The following NARS1 variants were observed in gnomAD, a reference collection of about 807,000 sequenced individuals.
The protein encoded by NARS1 is asparagine--tRNA ligase, cytoplasmic.
Under a neutral mutation model 79.2 loss-of-function variants are expected in NARS1, and 65 were observed. The observed-to-expected ratio is 0.82, with a 90% CI of 0.67 to 1.01. The LOEUF (loss-of-function observed/expected upper bound fraction) is 1.01. Among genes scored for constraint, NARS1 ranks in the 50% least tolerant of loss-of-function variants. The pLI is 0.00. For missense variants in NARS1, 649 were observed against 673.8 expected, an observed-to-expected ratio of 0.96 and a Z score of 0.41; for synonymous variants, 229 against 238.8, an observed-to-expected ratio of 0.96 and a Z score of 0.38.
intron 1 of NARS1, among the ~76,000 whole-genome samples, chr18:57,621,504 G>A (rs923130576): frequency 6.6e-6 from 1 of 152,168 alleles, no homozygotes; most frequent in African/African-American, 2.4e-5. Flanking sequence ...GGGGAACGAC[G>A]GACTCGGGGA....
intron 2 of NARS1, among the ~76,000 whole-genome samples, chr18:57,618,662 G>A (rs1908163667): frequency 6.6e-6 from 1 of 152,144 alleles, no homozygotes; most frequent in African/African-American, 2.4e-5. Context: ...AGCACTTTGG[G>A]AGGCCAAGGC....
Position 57,606,323 on chromosome 18 carries a change from C to T in NARS1, c.1137+293G>A, listed in dbSNP as rs562252948. 1.2e-4 allele frequency among the ~76,000 whole-genome samples: 16 copies of T among 138,986 alleles called. 1 individual carries two copies. The East Asian group carries it at 2.5e-3, about 22-fold the overall frequency. 91.2% of individuals were successfully genotyped at this position (138,986 alleles called of 152,430 possible). On this transcript the variant is annotated intron_variant, in intron 10 of 13. Coordinates refer to ENST00000256854, the MANE Select transcript of NARS1 (RefSeq NM_004539.4). ...ATCGCGCCACTGTACTTCAGCCTGG[C>T]GACAGAGTGAGACTCTGTCTCAAAA...
intron 1 of NARS1, among the ~76,000 whole-genome samples, chr18:57,621,043 G>GAA (rs1908277943): frequency 6.6e-6 from 1 of 152,076 alleles, no homozygotes; most frequent in African/African-American, 2.4e-5. Context: ...TATAAAATAG[G>GAA]AAAAACAATC....
rs186728593 is a variant in NARS1 at position 57,616,079 on chromosome 18, G to C, written c.94-104C>G. 15 of 1,029,844 alleles carry C rather than the reference G, an allele frequency of 1.5e-5. No homozygotes were observed. The East Asian group carries it at 3.3e-4, about 23-fold the overall frequency. The allele number at this position is 1,029,844 out of a possible 1,614,324, so 63.8% of individuals were successfully genotyped here. A position where few individuals can be genotyped will look rare whatever the true frequency, so the allele number is the denominator to read the frequency against. On this transcript the variant is annotated intron_variant, in intron 2 of 13. Transcript: ENST00000256854. Reference sequence around the variant, plus strand: ...GCAACTGGAACAATCTAAGCATAAAGACCCCAACAGCCAAAAGCTGATATT... The same window carrying C: ...GCAACTGGAACAATCTAAGCATAAACACCCCAACAGCCAAAAGCTGATATT...
chr18:57,607,363 A>G, intron 8 of NARS1, 30 bp from the exon 9 acceptor site: 1 of 1,611,038 alleles, frequency 6.2e-7, no homozygotes, highest in Non-Finnish European at 8.5e-7. Flanking sequence ...GAATAAATCA[A>G]TGCTATCGTG....
At chr18:57,603,497 G>A (rs531510034) in intron 11 of NARS1, among the ~76,000 whole-genome samples, 3 of 151,850 alleles carry the variant, frequency 2.0e-5, no homozygotes, top group Admixed American at 6.5e-5. Flanking sequence ...AATAACCAAT[G>A]TCAAACTGGT....
At chr18:57,608,432 C>T (rs1487663341) in intron 7 of NARS1, among the ~76,000 whole-genome samples, 4 of 78,160 alleles carry the variant, frequency 5.1e-5, no homozygotes, top group South Asian at 1.1e-3. Flanking sequence ...AGCGAAACTC[C>T]GTCTCAAAAA....
intron 5 of NARS1, 46 bp from the exon 6 acceptor site, chr18:57,611,753 T>G (rs1459844707): frequency 4.7e-6 from 5 of 1,074,792 alleles, no homozygotes; most frequent in Non-Finnish European, 6.5e-6. Flanking sequence ...TCTCAAGGCA[T>G]TAAATTTTAT....
chr18:57,602,765 C>A (rs935837232), intron 12 of NARS1, 47 bp downstream of exon 12: 2 of 1,595,508 alleles, frequency 1.3e-6, no homozygotes, highest in South Asian at 1.1e-5. Flanking sequence ...CAGTCCCCAC[C>A]CCCTTAAAAA....
chr18:57,608,366 G>T (rs1220333704), intron 7 of NARS1, among the ~76,000 whole-genome samples: 1 of 143,076 alleles, frequency 7.0e-6, no homozygotes, highest in African/African-American at 2.6e-5. Flanking sequence ...GAACCTGGGA[G>T]GCAGAGGTTG....
chr18:57,612,968 A>C (rs2122445160), intron 5 of NARS1, among the ~76,000 whole-genome samples: 1 of 152,296 alleles, frequency 6.6e-6, no homozygotes, highest in East Asian at 1.9e-4. Flanking sequence ...TTAAAACTCA[A>C]CTTGACAAAT....
Position 57,600,809 on chromosome 18 carries a change from A to G in NARS1, c.*843T>C, listed in dbSNP as rs1367079980. 1 of 152,216 alleles carries G rather than the reference A, an allele frequency of 6.6e-6. No homozygotes were observed. The highest frequency in any genetic ancestry group is 1.5e-5 in the Non-Finnish European group (1 of 68,034). 9.4% of individuals were successfully genotyped at this position (152,216 alleles called of 1,614,324 possible). A position where few individuals can be genotyped will look rare whatever the true frequency, so the allele number is the denominator to read the frequency against. On this transcript the variant is annotated 3_prime_UTR_variant, in exon 14 of 14. Coordinates refer to ENST00000256854, the MANE Select transcript of NARS1 (RefSeq NM_004539.4). ...AAGGTAGCACAGATTAGATCTAAGG[A>G]CATGGTGGGGGCAACTCAAACAGCC...
rs1479550362 is a variant in NARS1, at chr18:57,600,665, C to T, written c.*987G>A. 2 of 152,122 alleles carry T rather than the reference C, an allele frequency of 1.3e-5. No individual in the cohort carries two copies. Among genetic ancestry groups the T allele is most frequent in the East Asian group, 1.9e-4 (1 of 5,196 alleles). The allele number at this position is 152,122 out of a possible 1,614,324, so 9.4% of individuals were successfully genotyped here. A position where few individuals can be genotyped will look rare whatever the true frequency, so the allele number is the denominator to read the frequency against. The stretch of plus-strand genomic sequence containing the variant: ...AAATTAAGCCAGCAAAGAGTTTTTA[C>T]GGGTGTTCATTTATTGACTGCTGGG... On this transcript the variant is annotated 3_prime_UTR_variant, in exon 14 of 14. Coordinates refer to ENST00000256854, the MANE Select transcript of NARS1 (RefSeq NM_004539.4).
At chr18:57,608,324 C>T (rs2051577822) in intron 7 of NARS1, among the ~76,000 whole-genome samples, 1 of 150,530 alleles carries the variant, frequency 6.6e-6, no homozygotes, top group South Asian at 2.1e-4. Flanking sequence ...GTGGCGCACG[C>T]CTATAGTCCC....
Position 57,621,692 on chromosome 18 carries a change from ACT to A in NARS1, c.10+14_10+15del, listed in dbSNP as rs1431599029. ...CCAGGCAGGGAACACCGCGCCATAC[ACT>A]GAGTCTCACCCACCTAGCACCATGC... On this transcript the variant is annotated intron_variant, in intron 1 of 13. Transcript: ENST00000256854. 1 of 1,612,028 alleles carries A rather than the reference ACT, an allele frequency of 6.2e-7. No homozygotes were observed. Among genetic ancestry groups the A allele is most frequent in the African/African-American group, 1.3e-5 (1 of 74,998 alleles).
At position 57,621,810 on chromosome 18, in the gene NARS1, C is replaced by T. The variant is rs946689868; in HGVS notation, c.-93G>A. On this transcript the variant is annotated 5_prime_UTR_variant, in exon 1 of 14. Coordinates refer to ENST00000256854, the MANE Select transcript of NARS1 (RefSeq NM_004539.4). ...CGTGCACCGGCGGTTTCCGCGATTC[C>T]GGCGTTGCATCAGAGAGCGTAGATC... 3 of 1,597,962 alleles carry T rather than the reference C, an allele frequency of 1.9e-6. No individual in the cohort carries two copies. Among genetic ancestry groups the T allele is most frequent in the East Asian group, 2.3e-5 (1 of 43,252 alleles).
chr18:57,602,745 T>C, intron 12 of NARS1, 67 bp downstream of exon 12: 1 of 1,538,724 alleles, frequency 6.5e-7, no homozygotes, highest in Non-Finnish European at 8.9e-7. Flanking sequence ...CTGTACCTGA[T>C]TCCAGATGAC....
At chr18:57,610,401 G>A (rs887165100) in intron 6 of NARS1, among the ~76,000 whole-genome samples, 13 of 152,168 alleles carry the variant, frequency 8.5e-5, no homozygotes, top group Non-Finnish European at 1.5e-4. Flanking sequence ...GAATCTGGGA[G>A]GCAGAGGTTG....
At chr18:57,621,391 C>A (rs2122465556) in intron 1 of NARS1, among the ~76,000 whole-genome samples, 1 of 152,292 alleles carries the variant, frequency 6.6e-6, no homozygotes, top group Non-Finnish European at 1.5e-5. Flanking sequence ...GGAGTAGGGG[C>A]TACCCTGTGT....
Sources: allele counts gnomAD v4.1 joint callset (sites outside exome capture counted in the v4.1 genomes callset), GRCh38; gene constraint gnomAD v4.1.1; transcripts MANE v1.5; gene names NCBI Gene and HGNC (gene_info 2026-07-23, HGNC 2026-07-21).